Variants in DPH6 observed in about 807,000 individuals in gnomAD.
DPH6 encodes diphthine--ammonia ligase.
A neutral mutation model predicts 38.2 loss-of-function variants in DPH6; 33 were observed. That is an observed-to-expected ratio of 0.86 (90% CI 0.65 to 1.15). The LOEUF is 1.15. Ranked by LOEUF, DPH6 falls within the 50% of genes most tolerant of loss-of-function variation. The pLI, the probability that DPH6 is intolerant of heterozygous loss-of-function variation, is 0.00. For synonymous variants in DPH6, 108 were observed against 103.0 expected (o/e 1.05, Z -0.30); for missense variants, 325 against 320.0 (o/e 1.02, Z -0.12).
intron 3 of DPH6, among the ~76,000 whole-genome samples, chr15:35,348,651 C>T (rs1273862330): frequency 6.6e-6 from 1 of 151,974 alleles, no homozygotes; most frequent in Admixed American, 6.6e-5. Context: ...TTTTGAGATA[C>T]CACATGAACT....
intron 4 of DPH6, 24 bp downstream of exon 4, chr15:35,454,723 A>G: frequency 2.5e-6 from 4 of 1,576,056 alleles, no homozygotes; most frequent in Middle Eastern, 1.7e-4. Context: ...CACTTTTAAA[A>G]CTAACAAATT....
downstream of DPH6, among the ~76,000 whole-genome samples, chr15:35,215,552 TA>T (rs1225954363): frequency 6.6e-6 from 1 of 151,968 alleles, no homozygotes. Flanking sequence ...CCCAGCTAAT[TA>T]AAAAAAATTT....
intron 3 of DPH6, among the ~76,000 whole-genome samples, chr15:35,347,451 C>T (rs1337562994): frequency 2.7e-5 from 4 of 150,736 alleles, no homozygotes; most frequent in African/African-American, 9.8e-5. Flanking sequence ...CACACCCAGC[C>T]TCCTCCTTTT....
chr15:35,279,028 G>A (rs1370281194), intron 3 of DPH6, among the ~76,000 whole-genome samples: 1 of 117,268 alleles, frequency 8.5e-6, no homozygotes, highest in Non-Finnish European at 1.6e-5. Context: ...CAGCCTCAGT[G>A]ACAGAGTGAG....
chr15:35,178,263 G>A, the DPH6 span, among the ~76,000 whole-genome samples: 592 of 152,260 alleles, frequency 3.9e-3, 3 homozygotes, highest in African/African-American at 0.014. Flanking sequence ...TGCTAACAAA[G>A]ATATACCTGA....
Position 35,300,505 on chromosome 15 carries a change from G to T in DPH6, n.200+73016C>A, listed in dbSNP as rs554711285. Among the ~76,000 whole-genome samples the T allele has an allele frequency of 2.9e-4, 44 of 152,248 alleles. No homozygotes were observed. The South Asian group carries it at 8.7e-3, about 30-fold the overall frequency. Reference sequence around the variant, plus strand: ...TCTGAATCGTTCCGGGACTAAAGTGGCAGCATTTGTTTACGGATGTAATGG... The same window carrying T: ...TCTGAATCGTTCCGGGACTAAAGTGTCAGCATTTGTTTACGGATGTAATGG... On this transcript the variant is annotated intron_variant and non_coding_transcript_variant, in intron 3 of 3. Coordinates refer to the DPH6 transcript ENST00000560386.
intron 6 of DPH6, among the ~76,000 whole-genome samples, chr15:35,392,590 T>C (rs1462961048): frequency 6.6e-6 from 1 of 152,220 alleles, no homozygotes. Flanking sequence ...TAGTATTGTT[T>C]TAGGTACTAG....
At chr15:35,369,399 A>G (rs2052689964), downstream of DPH6, among the ~76,000 whole-genome samples, 1 of 151,856 alleles carries the variant, frequency 6.6e-6, no homozygotes, top group South Asian at 2.1e-4. Context: ...TTGATAAAAT[A>G]TGTAGAAGAG....
At chr15:35,247,345 A>C (rs2051643939) in intron 3 of DPH6, among the ~76,000 whole-genome samples, 2 of 152,192 alleles carry the variant, frequency 1.3e-5, no homozygotes, top group African/African-American at 2.4e-5. Flanking sequence ...CAGGATAATA[A>C]AATTTCACTG....
chr15:35,315,766 T>C (rs1203779650), intron 3 of DPH6, among the ~76,000 whole-genome samples: 3 of 152,134 alleles, frequency 2.0e-5, no homozygotes, highest in Non-Finnish European at 2.9e-5. Flanking sequence ...TTATTCACAA[T>C]AGTCAAAATA....
At chr15:35,314,935 A>C (rs73393344) in intron 3 of DPH6, among the ~76,000 whole-genome samples, 4 of 151,188 alleles carry the variant, frequency 2.6e-5, no homozygotes, top group African/African-American at 9.7e-5. Flanking sequence ...CCTACAGCCA[A>C]ACTTGCACCA....
chr15:35,339,195 TATAA>T (rs1262610947), intron 3 of DPH6, among the ~76,000 whole-genome samples: 4 of 151,294 alleles, frequency 2.6e-5, no homozygotes, highest in Non-Finnish European at 5.9e-5. Context: ...AAAATATATA[TATAA>T]ATAAATATAT....
At position 35,450,597 on chromosome 15, in the gene DPH6, G is replaced by C. The variant is rs904647795; in HGVS notation, c.505+88C>G. 218 of 1,052,940 alleles carry C rather than the reference G, an allele frequency of 2.1e-4. 1 individual carries two copies. Among genetic ancestry groups the C allele is most frequent in the Non-Finnish European group, 4.3e-5 (30 of 702,662 alleles). The allele number at this position is 1,052,940 out of a possible 1,614,324, so 65.2% of individuals were successfully genotyped here. On this transcript the variant is annotated intron_variant, in intron 5 of 8. Transcript: ENST00000256538. ...CTCCACATTTTTATATTCTAAATCA[G>C]TTTTCTTTGTTCATTTTAACTACTT...
chr15:35,167,000 CG>C, the DPH6 span, among the ~76,000 whole-genome samples: 3 of 151,922 alleles, frequency 2.0e-5, no homozygotes, highest in Admixed American at 2.0e-4. Context: ...ACTGAAGAGC[CG>C]GAAGAGTTTA....
intron 3 of DPH6, among the ~76,000 whole-genome samples, chr15:35,482,872 C>T (rs113572079): frequency 1.3e-5 from 2 of 152,022 alleles, no homozygotes; most frequent in African/African-American, 4.8e-5. Context: ...CTTTAAAAAA[C>T]ATCATCAAGA....
chr15:35,496,349 G>A (rs1191647281), intron 3 of DPH6, among the ~76,000 whole-genome samples: 1 of 151,428 alleles, frequency 6.6e-6, no homozygotes, highest in African/African-American at 2.4e-5. Flanking sequence ...GAGGTCAGGA[G>A]TTTGAGGACA....
chr15:35,397,878 C>CAA (rs2053164918), intron 6 of DPH6, among the ~76,000 whole-genome samples: 2 of 140,974 alleles, frequency 1.4e-5, no homozygotes, highest in African/African-American at 2.9e-5. Context: ...TACACACACA[C>CAA]ACACACACAC....
At chr15:35,295,857 T>C (rs1326061601) in intron 3 of DPH6, among the ~76,000 whole-genome samples, 1 of 152,098 alleles carries the variant, frequency 6.6e-6, no homozygotes, top group African/African-American at 2.4e-5. Context: ...CAATTACATA[T>C]TATGTATGCA....
chr15:35,480,604 G>T (rs572988339), intron 3 of DPH6, among the ~76,000 whole-genome samples: 99 of 151,834 alleles, frequency 6.5e-4, no homozygotes, highest in Admixed American at 1.9e-3. Flanking sequence ...TAAAATGTTT[G>T]CTATTTTAAA....
Sources: gnomAD v4.1 joint callset for allele counts (sites outside exome capture counted in the v4.1 genomes callset) on GRCh38, gnomAD v4.1.1 for gene constraint, MANE v1.5 for transcripts, NCBI Gene and HGNC (gene_info 2026-07-23, HGNC 2026-07-21) for gene names.